WDR72: variants seen among roughly 807,000 people sequenced by gnomAD.
The protein encoded by WDR72 is WD repeat-containing protein 72.
In WDR72, 120 loss-of-function variants were observed where a neutral mutation model predicts 124.2. That is an observed-to-expected ratio of 0.97 (90% confidence interval 0.83 to 1.12). The LOEUF is 1.12. Ranked by LOEUF, WDR72 falls within the 50% of genes most tolerant of loss-of-function variation. The pLI is 0.00. For missense variants in WDR72, 1,387 were observed against 1,278.8 expected (o/e 1.08, Z -1.29); for synonymous variants, 452 against 441.7 (o/e 1.02, Z -0.29).
At chr15:53,657,841 G>C (rs765203969) in intron 14 of WDR72, among the ~76,000 whole-genome samples, 2 of 152,138 alleles carry the variant, frequency 1.3e-5, no homozygotes, top group South Asian at 2.1e-4. Flanking sequence ...CAATAACGCC[G>C]ACCTTGAATG....
At chr15:53,756,910 T>C (rs1272856396) in intron 1 of WDR72, 1 of 152,262 alleles carries the variant, frequency 6.6e-6, no homozygotes, top group Admixed American at 6.5e-5. Context: ...GTGGTCAGCA[T>C]GTGAGGACAG....
rs551454762 is a variant in WDR72 at position 53,706,812 on chromosome 15, T to C, written c.955-738A>G. The stretch of plus-strand genomic sequence containing the variant: ...TGATTCCATAATTTATAATGGTGTG[T>C]ATATACATATATAATGTTATACATT... On this transcript the variant is annotated intron_variant, in intron 9 of 19. Transcript: ENST00000360509. Among the ~76,000 whole-genome samples the C allele has an allele frequency of 5.9e-5, 9 of 152,160 alleles. No individual in the cohort carries two copies. In the South Asian group the frequency reaches 1.0e-3, roughly 18 times the overall value.
At chr15:53,536,773 G>C (rs547725774) in intron 18 of WDR72, among the ~76,000 whole-genome samples, 20 of 152,306 alleles carry the variant, frequency 1.3e-4, no homozygotes, top group African/African-American at 4.1e-4. Flanking sequence ...TACCAAAGCA[G>C]TGACATAGCA....
chr15:53,548,761 C>T (rs1191633204), intron 18 of WDR72, among the ~76,000 whole-genome samples: 1 of 151,782 alleles, frequency 6.6e-6, no homozygotes, highest in Non-Finnish European at 1.5e-5. Context: ...TAGTTCTGAC[C>T]CCTTAAAATG....
intron 17 of WDR72, among the ~76,000 whole-genome samples, chr15:53,606,513 G>A (rs2013289513): frequency 6.6e-6 from 1 of 152,138 alleles, no homozygotes; most frequent in South Asian, 2.1e-4. Context: ...CTCTCAGCAA[G>A]CTTATATAAC....
intron 14 of WDR72, among the ~76,000 whole-genome samples, chr15:53,662,052 T>C (rs184603743): frequency 3.9e-5 from 6 of 152,306 alleles, no homozygotes; most frequent in East Asian, 3.9e-4. Context: ...TAAAATATCA[T>C]GAAGCTACAA....
chr15:53,653,753 T>G (rs1317476162), intron 14 of WDR72, among the ~76,000 whole-genome samples: 1 of 152,176 alleles, frequency 6.6e-6, no homozygotes, highest in Non-Finnish European at 1.5e-5. Flanking sequence ...AGACTGGAAA[T>G]TATTATGGCT....
chr15:53,684,507 T>TAA (rs1352152117), intron 13 of WDR72: 1 of 162,036 alleles, frequency 6.2e-6, no homozygotes, highest in African/African-American at 2.4e-5. Flanking sequence ...CCGACGGGCT[T>TAA]AAAAAGCGGC....
At position 53,733,192 on chromosome 15, in the gene WDR72, T is replaced by C. The variant is rs776661205; in HGVS notation, c.-12-31A>G. ...ATACAAAGAAGGGAAGAAGCATACA[T>C]GGTCATCTTTTTGAAATTTGAGGAA... On this transcript the variant is annotated intron_variant, in intron 1 of 19. Coordinates refer to ENST00000360509, the MANE Select transcript of WDR72 (RefSeq NM_182758.4). The C allele has an allele frequency of 6.2e-6, 10 of 1,611,442 alleles. No homozygotes were observed. In the Admixed American group the frequency reaches 1.0e-4, roughly 16 times the overall value.
At chr15:53,708,975 TG>T (rs2017460991) in intron 9 of WDR72, among the ~76,000 whole-genome samples, 1 of 152,198 alleles carries the variant, frequency 6.6e-6, no homozygotes, top group Admixed American at 6.5e-5. Context: ...GATATGTACA[TG>T]GGCATTACAA....
At chr15:53,753,171 A>G (rs1333888317) in intron 1 of WDR72, among the ~76,000 whole-genome samples, 1 of 152,146 alleles carries the variant, frequency 6.6e-6, no homozygotes, top group Admixed American at 6.5e-5. Flanking sequence ...CCTGACATCT[A>G]CTTCCCTTCT....
At chr15:53,688,000 CAA>C (rs1487351208) in intron 13 of WDR72, among the ~76,000 whole-genome samples, 2 of 146,942 alleles carry the variant, frequency 1.4e-5, no homozygotes, top group African/African-American at 2.6e-5. Flanking sequence ...AGGCCTTTGA[CAA>C]AATTCAACAA....
intron 18 of WDR72, among the ~76,000 whole-genome samples, chr15:53,552,104 C>G (rs1001642900): frequency 2.7e-5 from 4 of 150,892 alleles, no homozygotes; most frequent in African/African-American, 9.7e-5. Context: ...AGACTATCCT[C>G]AACTGAATTA....
intron 18 of WDR72, among the ~76,000 whole-genome samples, chr15:53,580,610 G>C (rs1044274402): frequency 4.6e-5 from 7 of 152,040 alleles, no homozygotes; most frequent in Admixed American, 2.0e-4. Context: ...ATCTTACAGA[G>C]CATGGGGAAA....
rs1891299246 is a variant in WDR72 at position 53,513,767 on chromosome 15, A to AT, written c.*3931dup. On this transcript the variant is annotated 3_prime_UTR_variant, in exon 20 of 20. Coordinates refer to ENST00000360509, the MANE Select transcript of WDR72 (RefSeq NM_182758.4). ...CAAGATAAATATATTTTAATACAAT[A>AT]TTTATAAAAATTAAATTACTGCAAA... 1 of 152,150 alleles carries AT rather than the reference A, an allele frequency of 6.6e-6. No homozygotes were observed. The highest frequency in any genetic ancestry group is 6.5e-5 in the Admixed American group (1 of 15,272). The allele number at this position is 152,150 out of a possible 1,614,324, so 9.4% of individuals were successfully genotyped here. A position where few individuals can be genotyped will look rare whatever the true frequency, so the allele number is the denominator to read the frequency against.
intron 14 of WDR72, among the ~76,000 whole-genome samples, chr15:53,658,665 G>A (rs983238853): frequency 6.6e-6 from 1 of 152,126 alleles, no homozygotes; most frequent in Non-Finnish European, 1.5e-5. Context: ...TTGTGTCCAT[G>A]TTTTACACAA....
At chr15:53,521,301 T>C (rs1891780106) in intron 19 of WDR72, among the ~76,000 whole-genome samples, 1 of 152,098 alleles carries the variant, frequency 6.6e-6, no homozygotes, top group Non-Finnish European at 1.5e-5. Flanking sequence ...GGCCATTTAC[T>C]CCTGGCCACG....
At chr15:53,751,061 G>C (rs1198888396) in intron 1 of WDR72, among the ~76,000 whole-genome samples, 1 of 152,104 alleles carries the variant, frequency 6.6e-6, no homozygotes, top group Non-Finnish European at 1.5e-5. Flanking sequence ...TTTGGAAAAA[G>C]TTCTGCTGTG....
At chr15:53,550,531 T>C (rs1208285225) in intron 18 of WDR72, among the ~76,000 whole-genome samples, 1 of 152,214 alleles carries the variant, frequency 6.6e-6, no homozygotes, top group Admixed American at 6.5e-5. Context: ...CTCTCCATCC[T>C]TTTATTTATT....
Sources: gnomAD v4.1 joint callset for allele counts (sites outside exome capture counted in the v4.1 genomes callset) on GRCh38, gnomAD v4.1.1 for gene constraint, MANE v1.5 for transcripts, NCBI Gene and HGNC (gene_info 2026-07-23, HGNC 2026-07-21) for gene names.